TAMM41: variants seen among roughly 807,000 people sequenced by gnomAD.
TAMM41 encodes the protein phosphatidate cytidylyltransferase, mitochondrial.
TAMM41 carries 36 observed loss-of-function variants against 44.1 expected under a neutral mutation model. That is an observed-to-expected ratio of 0.82 (90% CI 0.63 to 1.08). The LOEUF (loss-of-function observed/expected upper bound fraction) is 1.08, where lower values mean the gene tolerates loss of function less well. Ranked by LOEUF, TAMM41 falls within the 50% of genes least tolerant of loss-of-function variation. The pLI is 0.00. For synonymous variants in TAMM41, 164 were observed against 153.1 expected, an observed-to-expected ratio of 1.07 and a Z score of -0.53; for missense variants, 417 against 404.3, an observed-to-expected ratio of 1.03 and a Z score of -0.27.
At chr3:11,817,933 A>G (rs532557997) in intron 4 of TAMM41, among the ~76,000 whole-genome samples, 6 of 152,366 alleles carry the variant, frequency 3.9e-5, no homozygotes, top group African/African-American at 1.4e-4. Flanking sequence ...ACATTTGCCT[A>G]TGGGATGAAT....
rs185379133 is a variant in TAMM41 at position 11,823,044 on chromosome 3, C to T, written c.563-5707G>A. On this transcript the variant is annotated intron_variant, in intron 4 of 7. Transcript: ENST00000455809. ...TCCACATTCTCAACACTTGTTCTTGCCTTTCTTTTTTATCACAGCCATTGT... is the reference window on the plus strand; with the variant it reads ...TCCACATTCTCAACACTTGTTCTTGTCTTTCTTTTTTATCACAGCCATTGT... 2.4e-4 allele frequency among the ~76,000 whole-genome samples: 36 copies of T among 152,230 alleles called. No individual in the cohort carries two copies. The East Asian group carries it at 6.7e-3, about 29-fold the overall frequency.
chr3:11,760,948 T>C, the TAMM41 span, among the ~76,000 whole-genome samples: 2 of 151,494 alleles, frequency 1.3e-5, no homozygotes, highest in African/African-American at 2.4e-5. Context: ...GGGCAGATCA[T>C]GAGGTCAGGA....
chr3:11,842,538 A>G (rs2079497961), intron 2 of TAMM41, among the ~76,000 whole-genome samples: 1 of 151,876 alleles, frequency 6.6e-6, no homozygotes, highest in Admixed American at 6.6e-5. Flanking sequence ...TACAAAAAAT[A>G]CAACAATTAG....
At chr3:11,743,335 CT>C in the TAMM41 span, among the ~76,000 whole-genome samples, 43,014 of 140,826 alleles carry the variant, frequency 0.31, 6,447 homozygotes, top group South Asian at 0.34. Context: ...CTAATAATCT[CT>C]TTTTTTTTTT....
chr3:11,736,988 G>T, the TAMM41 span, among the ~76,000 whole-genome samples: 2 of 152,128 alleles, frequency 1.3e-5, no homozygotes, highest in Middle Eastern at 3.2e-3. Flanking sequence ...TCCAGGAATG[G>T]CAGTGCCCAG....
At chr3:11,797,881 A>G (rs2077648546) in intron 7 of TAMM41, among the ~76,000 whole-genome samples, 1 of 152,248 alleles carries the variant, frequency 6.6e-6, no homozygotes, top group South Asian at 2.1e-4. Context: ...TGCAGCCAAC[A>G]ATCAAAGGAA....
chr3:11,827,295 CTTTCT>C (rs1393177905), intron 4 of TAMM41, among the ~76,000 whole-genome samples: 4 of 134,490 alleles, frequency 3.0e-5, no homozygotes, highest in African/African-American at 6.0e-5. Flanking sequence ...AGCTTTCTTT[CTTTCT>C]TTTCTTTTCT....
chr3:11,775,217 G>C, the TAMM41 span, among the ~76,000 whole-genome samples: 1 of 9,222 alleles, frequency 1.1e-4, no homozygotes, highest in African/African-American at 1.2e-3. Context: ...TTTTGGTTGG[G>C]GGACACACAA....
intron 1 of TAMM41, among the ~76,000 whole-genome samples, 197 bp from the exon 2 acceptor site, chr3:11,844,408 T>G (rs1225654011): frequency 6.6e-6 from 1 of 152,242 alleles, no homozygotes; most frequent in Non-Finnish European, 1.5e-5. Flanking sequence ...AACACTTCTT[T>G]AACATGTATT....
chr3:11,782,706 T>C, the TAMM41 span, among the ~76,000 whole-genome samples: 1 of 152,248 alleles, frequency 6.6e-6, no homozygotes, highest in Non-Finnish European at 1.5e-5. Context: ...TAGTTCAAAG[T>C]ACTTTCACAG....
chr3:11,828,917 G>T (rs2078870229), intron 4 of TAMM41, among the ~76,000 whole-genome samples: 1 of 152,178 alleles, frequency 6.6e-6, no homozygotes, highest in Non-Finnish European at 1.5e-5. Context: ...AATCGGGAAA[G>T]ATGATTTTTT....
intron 7 of TAMM41, among the ~76,000 whole-genome samples, chr3:11,797,945 A>G (rs2077649622): frequency 6.6e-6 from 1 of 152,224 alleles, no homozygotes; most frequent in Non-Finnish European, 1.5e-5. Flanking sequence ...CAAAATCACA[A>G]TGAGATTCCA....
At chr3:11,837,076 A>C (rs1344953393) in intron 3 of TAMM41, among the ~76,000 whole-genome samples, 1 of 152,238 alleles carries the variant, frequency 6.6e-6, no homozygotes, top group African/African-American at 2.4e-5. Flanking sequence ...CATTTTAAGG[A>C]GCTACACTAT....
intron 4 of TAMM41, among the ~76,000 whole-genome samples, chr3:11,819,793 A>C (rs1268662240): frequency 1.3e-5 from 2 of 152,156 alleles, no homozygotes; most frequent in Non-Finnish European, 2.9e-5. Context: ...GAAAAACAAG[A>C]CAAAGAGACT....
In TAMM41 at chr3:11,829,759, A is replaced by G; in HGVS notation, c.517T>C (p.Ser173Pro). ...ATCTCTATGAAGAGGTCTTCTTCAG[A>G]AAAGCTTTCGGGGAGCATGAGGAAA... Reference protein sequence around the residue: ...AAFLMLPESFSEEDLFIEIAG... With the variant: ...AAFLMLPESFPEEDLFIEIAG... Residue 173 changes from serine to proline, a missense_variant, in exon 4 of 8, where the codon TCT (serine) becomes CCT (proline). Ser to Pro is a moderately conservative substitution (Grantham distance 74, BLOSUM62 -1). Coordinates refer to ENST00000455809, the MANE Select transcript of TAMM41 (RefSeq NM_001284401.2). The G allele has an allele frequency of 1.9e-6, 3 of 1,614,214 alleles. No homozygotes were observed. The highest frequency in any genetic ancestry group is 2.5e-6 in the Non-Finnish European group (3 of 1,180,020).
chr3:11,775,148 G>A, the TAMM41 span, among the ~76,000 whole-genome samples: 4 of 152,154 alleles, frequency 2.6e-5, no homozygotes, highest in African/African-American at 9.7e-5. Context: ...TTACAGGCAT[G>A]AGCCACCGCG....
At chr3:11,748,627 C>G in the TAMM41 span, among the ~76,000 whole-genome samples, 1 of 152,146 alleles carries the variant, frequency 6.6e-6, no homozygotes, top group Non-Finnish European at 1.5e-5. Context: ...GATCTGCCCC[C>G]CTCAGCCTCC....
chr3:11,729,539 A>T, the TAMM41 span, among the ~76,000 whole-genome samples: 12,721 of 31,862 alleles, frequency 0.4, 1,772 homozygotes, highest in African/African-American at 0.55. Context: ...TCTTTCTTTC[A>T]TTTTTTTTTT....
the TAMM41 span, among the ~76,000 whole-genome samples, chr3:11,746,301 C>CAAA: frequency 1.5e-3 from 173 of 115,770 alleles, 1 homozygote; most frequent in East Asian, 0.017. Context: ...GAGACTCTCT[C>CAAA]AAAAAAAAAA....
Sources: gnomAD v4.1 joint callset for allele counts (sites outside exome capture counted in the v4.1 genomes callset) on GRCh38, gnomAD v4.1.1 for gene constraint, MANE v1.5 for transcripts, NCBI Gene and HGNC (gene_info 2026-07-23, HGNC 2026-07-21) for gene names.